Variants in VWA3A observed in about 807,000 individuals in gnomAD.
VWA3A encodes the protein von Willebrand factor A domain containing 3A.
Under a neutral mutation model 160.4 loss-of-function variants are expected in VWA3A, and 134 were observed. The observed-to-expected ratio is 0.84, with a 90% CI of 0.73 to 0.96. VWA3A has a LOEUF of 0.96. Ranked by LOEUF, VWA3A falls within the 40% of genes least tolerant of loss-of-function variation. The probability of loss-of-function intolerance (pLI) is 0.00; values close to 1 mark genes in which losing one functional copy is unlikely to be tolerated. For missense variants in VWA3A, 1,310 were observed against 1,447.9 expected, an observed-to-expected ratio of 0.90 and a Z score of 1.55; for synonymous variants, 476 against 543.4, an observed-to-expected ratio of 0.88 and a Z score of 1.72.
At chr16:22,145,904 C>T (rs151171162) in intron 26 of VWA3A, among the ~76,000 whole-genome samples, 2,089 of 152,166 alleles carry the variant, frequency 0.014, 25 homozygotes, top group Middle Eastern at 0.031. Flanking sequence ...ACTGCAGCCT[C>T]TACCTCCCTG....
intron 1 of VWA3A, 65 bp from the exon 2 acceptor site, chr16:22,096,794 A>G: frequency 9.6e-7 from 1 of 1,040,258 alleles, no homozygotes; most frequent in South Asian, 1.4e-5. Context: ...GAATATAGAT[A>G]CCCCCCAAAA....
chr16:22,106,138 A>G, intron 6 of VWA3A, among the ~76,000 whole-genome samples: 1 of 152,112 alleles, frequency 6.6e-6, no homozygotes, highest in East Asian at 1.9e-4. Flanking sequence ...TAATCCCAGC[A>G]CTTTGGGAGG....
At chr16:22,095,496 A>C (rs1216919244) in intron 1 of VWA3A, among the ~76,000 whole-genome samples, 2 of 152,140 alleles carry the variant, frequency 1.3e-5, no homozygotes, top group Non-Finnish European at 1.5e-5. Flanking sequence ...GAAATAGAGA[A>C]GGCTTTGATC....
chr16:22,139,798 T>C (rs778500635), intron 22 of VWA3A, among the ~76,000 whole-genome samples: 3 of 152,082 alleles, frequency 2.0e-5, no homozygotes, highest in Admixed American at 6.5e-5. Context: ...TCCCAGTCCA[T>C]TAGGAAGAGG....
intron 31 of VWA3A, among the ~76,000 whole-genome samples, chr16:22,153,031 G>A (rs748502792): frequency 6.6e-6 from 1 of 152,142 alleles, no homozygotes; most frequent in South Asian, 2.1e-4. Context: ...ACAGGTGAAC[G>A]AGAGGGCCAG....
Position 22,148,236 on chromosome 16 carries a change from C to T in VWA3A, c.2914C>T (p.Pro972Ser). Residue 972 changes from proline (P) to serine (S), a missense_variant, in exon 28 of 34, where the codon CCC (proline) becomes TCC (serine). Physicochemically the swap from Pro to Ser is moderately conservative, Grantham distance 74. Coordinates refer to ENST00000389398, the MANE Select transcript of VWA3A (RefSeq NM_173615.5). ...GCTGGACACGTCAGGGTCCATGGGC[C>T]CCTACCTGCAGCAGGTGAAGACAGA... ...ILLDTSGSMG[P>S]YLQQVKTELV... The T allele has an allele frequency of 6.3e-7, 1 of 1,599,546 alleles. No individual in the cohort carries two copies. The highest frequency in any genetic ancestry group is 8.5e-7 in the Non-Finnish European group (1 of 1,173,416).
At chr16:22,116,168 A>C (rs766575644) in intron 9 of VWA3A, among the ~76,000 whole-genome samples, 5 of 149,326 alleles carry the variant, frequency 3.3e-5, no homozygotes, top group Admixed American at 1.3e-4. Flanking sequence ...GAAGAAAGAA[A>C]GAAACAAAGA....
At chr16:22,111,749 T>C (rs2045555222) in intron 8 of VWA3A, among the ~76,000 whole-genome samples, 3 of 152,066 alleles carry the variant, frequency 2.0e-5, no homozygotes, top group Admixed American at 2.0e-4. Flanking sequence ...TCCCAAAGTG[T>C]TGGGATTACA....
intron 8 of VWA3A, among the ~76,000 whole-genome samples, chr16:22,112,651 A>G (rs936631138): frequency 5.3e-5 from 8 of 152,136 alleles, no homozygotes; most frequent in Non-Finnish European, 8.8e-5. Context: ...CCTGAGAGGG[A>G]GGTCAAGGCT....
intron 15 of VWA3A, 42 bp from the exon 16 acceptor site, chr16:22,123,571 C>T: frequency 1.9e-6 from 3 of 1,613,756 alleles, no homozygotes; most frequent in South Asian, 2.2e-5. Flanking sequence ...CTTGGTTGCT[C>T]AGCCTTTGAG....
At chr16:22,109,191 A>G (rs1411421337) in intron 6 of VWA3A, among the ~76,000 whole-genome samples, 1 of 152,234 alleles carries the variant, frequency 6.6e-6, no homozygotes, top group Non-Finnish European at 1.5e-5. Flanking sequence ...GTGCTTTTCT[A>G]TAGTCTCCAG....
intron 12 of VWA3A, among the ~76,000 whole-genome samples, chr16:22,120,602 C>T (rs1328270226): frequency 1.3e-5 from 2 of 152,160 alleles, no homozygotes; most frequent in Non-Finnish European, 2.9e-5. Context: ...CAGTTCTTTA[C>T]TTTGTCAATG....
chr16:22,138,696 C>T (rs1293050278), intron 22 of VWA3A, 184 bp downstream of exon 22: 1 of 786,798 alleles, frequency 1.3e-6, no homozygotes, highest in Admixed American at 2.9e-5. Flanking sequence ...GCCGGCTCCT[C>T]AGCTCTCGGG....
In VWA3A at chr16:22,132,883, C is replaced by T. The variant is rs577923087; in HGVS notation, c.1873-17C>T. 1.9e-6 allele frequency: 3 copies of T among 1,604,846 alleles called. No individual in the cohort carries two copies. The Admixed American group carries it at 5.0e-5, about 27-fold the overall frequency. On this transcript the variant is annotated splice_polypyrimidine_tract_variant and intron_variant, in intron 19 of 33. Coordinates refer to ENST00000389398, the MANE Select transcript of VWA3A (RefSeq NM_173615.5). Reference sequence around the variant, plus strand: ...GCCCTCAGCTGCTGGCCCCTCCTACCTTCTCTTCCCCACCAGCCTACACTC... The same window carrying T: ...GCCCTCAGCTGCTGGCCCCTCCTACTTTCTCTTCCCCACCAGCCTACACTC...
chr16:22,128,180 G>A (rs771814452), intron 17 of VWA3A, among the ~76,000 whole-genome samples: 10 of 152,148 alleles, frequency 6.6e-5, no homozygotes, highest in Non-Finnish European at 1.3e-4. Flanking sequence ...CCATGCTCAC[G>A]AGTTTCCTGT....
At position 22,138,876 on chromosome 16, in the gene VWA3A, G is replaced by A. The variant is rs981681952; in HGVS notation, c.2292+364G>A. On this transcript the variant is annotated intron_variant, in intron 22 of 33. Coordinates refer to ENST00000389398, the MANE Select transcript of VWA3A (RefSeq NM_173615.5). ...ATTATGGTCTCTAAGGGCTCTTCCC[G>A]CTGCCACCCAAGACTTTGCAGAGGC... Among the ~76,000 whole-genome samples the A allele has an allele frequency of 3.3e-5, 5 of 152,050 alleles. No homozygotes were observed. In the East Asian group the frequency reaches 5.8e-4, roughly 18 times the overall value.
chr16:22,142,701 G>A lies in VWA3A; in HGVS notation c.2528G>A (p.Gly843Asp). 1 of 1,574,192 alleles carries A rather than the reference G, an allele frequency of 6.4e-7. No individual in the cohort carries two copies. Among genetic ancestry groups the A allele is most frequent in the Non-Finnish European group, 8.6e-7 (1 of 1,158,894 alleles). Residue 843 changes from glycine (G) to aspartate (D), a missense_variant, in exon 25 of 34, where the codon GGC (glycine) becomes GAC (aspartate). Coordinates refer to ENST00000389398, the MANE Select transcript of VWA3A (RefSeq NM_173615.5). The part of the protein sequence containing the change: ...SVYKKYPQGR[G>D]LRRTSSSIDL... Reference sequence around the variant, plus strand: ...TACAAGAAGTACCCTCAAGGAAGGGGCTTGAGAAGGACTAGCTCTTCTATT... The same window carrying A: ...TACAAGAAGTACCCTCAAGGAAGGGACTTGAGAAGGACTAGCTCTTCTATT...
At position 22,148,314 on chromosome 16, in the gene VWA3A, G is replaced by C; in HGVS notation, c.2984+8G>C. On this transcript the variant is annotated splice_region_variant and intron_variant, in intron 28 of 33. Coordinates refer to ENST00000389398, the MANE Select transcript of VWA3A (RefSeq NM_173615.5). ...GCGGAAGTGCTGTGACAGGTAGGAG[G>C]CGAGGGCTGATCAGGAAGATCAAAG... is the stretch of plus-strand genomic sequence containing the variant. 6.3e-7 allele frequency: 1 copy of C among 1,588,830 alleles called. No individual in the cohort carries two copies.
intron 1 of VWA3A, among the ~76,000 whole-genome samples, chr16:22,095,335 A>G (rs2045300463): frequency 6.6e-6 from 1 of 152,152 alleles, no homozygotes; most frequent in Non-Finnish European, 1.5e-5. Context: ...TGGTTAAAGG[A>G]ACTATAGAGA....
Sources: allele counts gnomAD v4.1 joint callset (sites outside exome capture counted in the v4.1 genomes callset), GRCh38; gene constraint gnomAD v4.1.1; transcripts MANE v1.5; gene names NCBI Gene and HGNC (gene_info 2026-07-23, HGNC 2026-07-21).